Variants in PRR16 observed in about 807,000 individuals in gnomAD.
The protein encoded by PRR16 is proline rich 16.
PRR16 carries 6 observed loss-of-function variants against 18.2 expected under a neutral mutation model. The observed-to-expected ratio is 0.33, with a 90% CI of 0.18 to 0.65. PRR16 has a LOEUF of 0.65. Among genes scored for constraint, PRR16 ranks in the 30% least tolerant of loss-of-function variants. The pLI, the probability that PRR16 is intolerant of heterozygous loss-of-function variation, is 0.74. For synonymous variants in PRR16, 151 were observed against 147.8 expected (o/e 1.02, Z -0.16); for missense variants, 412 against 376.6 (o/e 1.09, Z -0.78).
the PRR16 span, among the ~76,000 whole-genome samples, chr5:120,768,466 T>C: frequency 1.3e-5 from 2 of 151,626 alleles, no homozygotes; most frequent in African/African-American, 4.8e-5. Context: ...AATATATATA[T>C]AGAATTTATT....
At chr5:120,469,499 T>A (rs1418304304) in intron 1 of PRR16, among the ~76,000 whole-genome samples, 3 of 151,454 alleles carry the variant, frequency 2.0e-5, no homozygotes, top group Non-Finnish European at 4.4e-5. Flanking sequence ...ATTTTTAATT[T>A]TTTTTTTTTT....
intron 1 of PRR16, among the ~76,000 whole-genome samples, chr5:120,588,853 AAAT>A (rs1357186280): frequency 6.6e-6 from 1 of 152,072 alleles, no homozygotes; most frequent in East Asian, 1.9e-4. Flanking sequence ...TCATTTTTTA[AAAT>A]AATAGGACAA....
Position 120,588,298 on chromosome 5 carries a change from A to G in PRR16, c.160-97656A>G, listed in dbSNP as rs560771373. On this transcript the variant is annotated intron_variant, in intron 1 of 1. Coordinates refer to ENST00000407149, the MANE Select transcript of PRR16 (RefSeq NM_001300783.2). ...GGCGGGGTTTGAAAGGATTGACTCC[A>G]ATTTTGAAAGAAATTCTACTGTGTG... 7.2e-5 allele frequency among the ~76,000 whole-genome samples: 11 copies of G among 152,316 alleles called. No homozygotes were observed. The South Asian group carries it at 2.3e-3, about 32-fold the overall frequency.
Position 120,683,497 on chromosome 5 carries a change from G to T in PRR16, c.160-2457G>T, listed in dbSNP as rs537797058. The stretch of plus-strand genomic sequence containing the variant: ...AGCCTGGGCGACAGTGTGACACTCC[G>T]TCTCAAAAAAAAAAAAAAAAGTGAA... On this transcript the variant is annotated intron_variant, in intron 1 of 1. Transcript: ENST00000407149. Among the ~76,000 whole-genome samples the T allele has an allele frequency of 2.9e-5, 3 of 103,408 alleles. No homozygotes were observed. In the Admixed American group the frequency reaches 3.7e-4, roughly 13 times the overall value. The allele number at this position is 103,408 out of a possible 152,430, so 67.8% of individuals were successfully genotyped here. A position where few individuals can be genotyped will look rare whatever the true frequency, so the allele number is the denominator to read the frequency against.
At chr5:120,522,270 T>G (rs1418897668) in intron 1 of PRR16, among the ~76,000 whole-genome samples, 2 of 152,332 alleles carry the variant, frequency 1.3e-5, no homozygotes, top group Admixed American at 1.3e-4. Context: ...ATGGTTGAAC[T>G]AGTTTACAGT....
At chr5:120,650,037 A>G (rs1015285654) in intron 1 of PRR16, among the ~76,000 whole-genome samples, 2 of 151,802 alleles carry the variant, frequency 1.3e-5, no homozygotes, top group South Asian at 2.1e-4. Flanking sequence ...GGCCAACACG[A>G]TGAAACCCTC....
chr5:120,716,440 T>G, the PRR16 span, among the ~76,000 whole-genome samples: 1 of 152,176 alleles, frequency 6.6e-6, no homozygotes, highest in South Asian at 2.1e-4. Context: ...ATCAACCTTT[T>G]ACATGTTTTT....
At chr5:120,560,865 G>A (rs1752552663) in intron 1 of PRR16, among the ~76,000 whole-genome samples, 1 of 152,042 alleles carries the variant, frequency 6.6e-6, no homozygotes, top group Non-Finnish European at 1.5e-5. Context: ...TAGGTTGTAT[G>A]TGTCTAGGAA....
chr5:120,743,030 A>G, the PRR16 span, among the ~76,000 whole-genome samples: 1 of 152,198 alleles, frequency 6.6e-6, no homozygotes, highest in Non-Finnish European at 1.5e-5. Context: ...CCATCTAAAA[A>G]TCTTTAATTT....
At chr5:120,783,033 G>T in the PRR16 span, among the ~76,000 whole-genome samples, 2 of 152,148 alleles carry the variant, frequency 1.3e-5, no homozygotes, top group Admixed American at 6.5e-5. Flanking sequence ...TCTTGCTGGT[G>T]GATGTACAGA....
At chr5:120,743,710 G>T in the PRR16 span, among the ~76,000 whole-genome samples, 1 of 151,952 alleles carries the variant, frequency 6.6e-6, no homozygotes, top group Non-Finnish European at 1.5e-5. Flanking sequence ...TTTTTCTTCT[G>T]TCTCTGAAAG....
At chr5:120,568,218 A>T (rs1257662545) in intron 1 of PRR16, among the ~76,000 whole-genome samples, 1 of 152,212 alleles carries the variant, frequency 6.6e-6, no homozygotes, top group Non-Finnish European at 1.5e-5. Context: ...AGGCAGATAC[A>T]TGACCCTAGT....
At chr5:120,577,389 T>G (rs560825864) in intron 1 of PRR16, among the ~76,000 whole-genome samples, 1 of 151,910 alleles carries the variant, frequency 6.6e-6, no homozygotes, top group African/African-American at 2.4e-5. Context: ...ATGATCTTGG[T>G]GCACCCATCA....
rs529248410 is a variant in PRR16 at position 120,585,903 on chromosome 5, C to A, written c.160-100051C>A. ...CAAAAATGTATTTTTGGGCCGGGTGCGATGGCTCATGCTTGTAATCCCAGC... is the reference window on the plus strand; with the variant it reads ...CAAAAATGTATTTTTGGGCCGGGTGAGATGGCTCATGCTTGTAATCCCAGC... On this transcript the variant is annotated intron_variant, in intron 1 of 1. Transcript: ENST00000407149. Among the ~76,000 whole-genome samples the A allele has an allele frequency of 2.6e-5, 4 of 151,770 alleles. No homozygotes were observed. In the South Asian group the frequency reaches 8.3e-4, roughly 32 times the overall value.
At chr5:120,696,327 A>AT in the PRR16 span, among the ~76,000 whole-genome samples, 436 of 152,230 alleles carry the variant, frequency 2.9e-3, 3 homozygotes, top group African/African-American at 0.01. Context: ...TATATAAAAA[A>AT]ATTAGTAATT....
intron 1 of PRR16, among the ~76,000 whole-genome samples, chr5:120,599,581 T>TA (rs918510328): frequency 2.0e-5 from 3 of 151,964 alleles, no homozygotes; most frequent in African/African-American, 7.2e-5. Context: ...CACAGTATTC[T>TA]AAAACATCTT....
chr5:120,497,383 G>GT (rs772458976), intron 1 of PRR16, among the ~76,000 whole-genome samples: 2 of 106,952 alleles, frequency 1.9e-5, no homozygotes, highest in Non-Finnish European at 3.7e-5. Context: ...TTGATGAACT[G>GT]ATTTTTTTTT....
rs1749014964 is a variant in PRR16, at chr5:120,464,600, A to G, written c.114A>G (p.Glu38=). The change falls in exon 1 of 2, where the codon GAA becomes GAG. Residue 38 remains glutamate (E), a synonymous_variant. Transcript: ENST00000407149. ...EQIKIIVEDL[E]LVLGDLKDVA... is the part of the protein sequence containing the mutation. ...TCAAGATCATCGTGGAGGATTTGGA[A>G]TTAGTCCTGGGCGACCTGAAGGACG... The G allele has an allele frequency of 6.3e-7, 1 of 1,580,756 alleles. No homozygotes were observed. The highest frequency in any genetic ancestry group is 8.5e-7 in the Non-Finnish European group (1 of 1,171,466).
At chr5:120,677,200 TTTTTAACA>T (rs1287874189) in intron 1 of PRR16, among the ~76,000 whole-genome samples, 2 of 152,078 alleles carry the variant, frequency 1.3e-5, no homozygotes, top group Non-Finnish European at 2.9e-5. Flanking sequence ...TGGGTAGAGA[TTTTTAACA>T]TTTTATATGA....
Sources: allele counts gnomAD v4.1 joint callset (sites outside exome capture counted in the v4.1 genomes callset), GRCh38; gene constraint gnomAD v4.1.1; transcripts MANE v1.5; gene names NCBI Gene and HGNC (gene_info 2026-07-23, HGNC 2026-07-21).